Variants in CCDC171 observed in about 807,000 individuals in gnomAD.
The protein encoded by CCDC171 is coiled-coil domain-containing protein 171.
In CCDC171, 177 loss-of-function variants were observed where a neutral mutation model predicts 168.2. That is an observed-to-expected ratio of 1.05 (90% CI 0.93 to 1.19). CCDC171 has a LOEUF of 1.19. Ranked by LOEUF, CCDC171 falls within the 50% of genes most tolerant of loss-of-function variation. CCDC171 has a pLI of 0.00. For synonymous variants in CCDC171, 687 were observed against 540.8 expected, an observed-to-expected ratio of 1.27 and a Z score of -3.75; for missense variants, 1,991 against 1,539.0, an observed-to-expected ratio of 1.29 and a Z score of -4.91.
At chr9:15,841,012 T>C (rs1021020692) in intron 21 of CCDC171, among the ~76,000 whole-genome samples, 3 of 152,030 alleles carry the variant, frequency 2.0e-5, no homozygotes, top group Admixed American at 2.0e-4. Flanking sequence ...ATTGACACCA[T>C]TTAGGAAGAC....
chr9:15,945,930 G>A (rs1041629782), intron 25 of CCDC171, among the ~76,000 whole-genome samples: 7 of 150,664 alleles, frequency 4.6e-5, no homozygotes, highest in Non-Finnish European at 1.0e-4. Flanking sequence ...ATTGCTTTTG[G>A]TGTTTTAGAC....
intron 23 of CCDC171, among the ~76,000 whole-genome samples, chr9:15,860,364 C>T (rs1081246): frequency 0.86 from 130,411 of 151,562 alleles, 56,204 homozygotes; most frequent in East Asian, 0.99. Flanking sequence ...ATCGTTTATG[C>T]GACATCTTTC....
intron 25 of CCDC171, chr9:15,922,312 A>T (rs2132021252): frequency 5.7e-6 from 1 of 175,280 alleles, no homozygotes; most frequent in South Asian, 1.2e-4. Flanking sequence ...AACTTGTGTG[A>T]TGGTTTTTAT....
chr9:15,742,742 A>G (rs1315182774), intron 16 of CCDC171, among the ~76,000 whole-genome samples: 3 of 152,198 alleles, frequency 2.0e-5, no homozygotes, highest in Non-Finnish European at 4.4e-5. Flanking sequence ...GCATTATACC[A>G]TGCTAGTTGA....
intron 8 of CCDC171, among the ~76,000 whole-genome samples, chr9:15,661,861 G>A (rs6474941): frequency 0.94 from 143,164 of 152,342 alleles, 67,341 homozygotes; most frequent in East Asian, 1. Context: ...CAGATTTACT[G>A]TTTGGCTTAC....
At chr9:16,065,130 C>T (rs2133091634), downstream of CCDC171, among the ~76,000 whole-genome samples, 1 of 152,338 alleles carries the variant, frequency 6.6e-6, no homozygotes, top group South Asian at 2.1e-4. Context: ...GCGAGCAAAG[C>T]ACCTTTCCCA....
At chr9:15,846,875 C>T in intron 22 of CCDC171, 28 bp downstream of exon 22, 4 of 1,575,368 alleles carry the variant, frequency 2.5e-6, no homozygotes, top group Non-Finnish European at 2.6e-6. Context: ...GGGGAGATCA[C>T]TTAAAACAGA....
chr9:16,060,092 T>C (rs182039662), intron 1 of CCDC171, among the ~76,000 whole-genome samples: 18 of 152,330 alleles, frequency 1.2e-4, no homozygotes, highest in Non-Finnish European at 2.5e-4. Flanking sequence ...TAAATGTATA[T>C]GTATGTAAAT....
At chr9:15,632,702 C>T (rs2045829519) in intron 7 of CCDC171, among the ~76,000 whole-genome samples, 1 of 152,258 alleles carries the variant, frequency 6.6e-6, no homozygotes, top group East Asian at 1.9e-4. Flanking sequence ...AAAAAAGAGC[C>T]TGCATCGCCA....
chr9:15,804,759 G>C (rs966828462), intron 21 of CCDC171, among the ~76,000 whole-genome samples: 2 of 151,914 alleles, frequency 1.3e-5, no homozygotes, highest in East Asian at 3.9e-4. Context: ...GAATGAGTTT[G>C]GTTGGTAAGC....
chr9:15,979,808 G>C (rs1831738126), intron 3 of CCDC171, among the ~76,000 whole-genome samples: 1 of 151,502 alleles, frequency 6.6e-6, no homozygotes, highest in Non-Finnish European at 1.5e-5. Context: ...AGAATGATTG[G>C]GAAATTATCC....
chr9:15,676,767 T>C (rs533874038), intron 9 of CCDC171, among the ~76,000 whole-genome samples: 1 of 152,292 alleles, frequency 6.6e-6, no homozygotes, highest in Admixed American at 6.5e-5. Flanking sequence ...TCCTTTTTCA[T>C]AGTTCAGCTG....
intron 21 of CCDC171, among the ~76,000 whole-genome samples, chr9:15,824,260 C>G (rs1270456321): frequency 6.6e-6 from 1 of 151,918 alleles, no homozygotes; most frequent in Non-Finnish European, 1.5e-5. Flanking sequence ...ATGTATTTCA[C>G]ATATATGTCT....
At chr9:15,946,410 C>T (rs1484038285) in intron 25 of CCDC171, among the ~76,000 whole-genome samples, 1 of 151,956 alleles carries the variant, frequency 6.6e-6, no homozygotes, top group Admixed American at 6.6e-5. Context: ...TGAGTGAACT[C>T]CCATTCACAA....
chr9:15,717,324 A>G (rs1224055568), intron 11 of CCDC171, among the ~76,000 whole-genome samples: 5 of 152,178 alleles, frequency 3.3e-5, no homozygotes, highest in African/African-American at 9.6e-5. Flanking sequence ...CCATCCTAGC[A>G]TTTGGAATTT....
chr9:16,049,243 AAGT>A (rs1226257623), intron 1 of CCDC171, among the ~76,000 whole-genome samples: 1 of 152,212 alleles, frequency 6.6e-6, no homozygotes, highest in African/African-American at 2.4e-5. Context: ...TTTGGAAATG[AAGT>A]ATGGCTTACA....
At chr9:15,622,053 T>C (rs2044551965) in intron 6 of CCDC171, among the ~76,000 whole-genome samples, 1 of 152,200 alleles carries the variant, frequency 6.6e-6, no homozygotes, top group African/African-American at 2.4e-5. Context: ...TACCACATGT[T>C]CTCACTTCCA....
intron 21 of CCDC171, among the ~76,000 whole-genome samples, chr9:15,829,294 T>G (rs559582880): frequency 2.3e-4 from 35 of 152,254 alleles, no homozygotes; most frequent in African/African-American, 7.7e-4. Context: ...GTTTTTACCT[T>G]TGAGGGATTA....
intron 21 of CCDC171, among the ~76,000 whole-genome samples, chr9:15,841,882 A>G (rs2060696034): frequency 6.6e-6 from 1 of 151,956 alleles, no homozygotes; most frequent in African/African-American, 2.4e-5. Context: ...AGTTTGATCC[A>G]CCTAGCAAGT....
Sources: gnomAD v4.1 joint callset for allele counts (sites outside exome capture counted in the v4.1 genomes callset) on GRCh38, gnomAD v4.1.1 for gene constraint, MANE v1.5 for transcripts, NCBI Gene and HGNC (gene_info 2026-07-23, HGNC 2026-07-21) for gene names.